The following SCN2A variants were observed in gnomAD, a reference collection of about 807,000 sequenced individuals.
SCN2A encodes the protein sodium voltage-gated channel alpha subunit 2.
In SCN2A, 20 loss-of-function variants were observed where a neutral mutation model predicts 188.7. That is an observed-to-expected ratio of 0.11 (90% CI 0.07 to 0.15). The LOEUF (loss-of-function observed/expected upper bound fraction) is 0.15, where lower values mean the gene tolerates loss of function less well. Ranked by LOEUF, SCN2A falls within the 10% of genes least tolerant of loss-of-function variation. The pLI is 1.00. For synonymous variants in SCN2A, 804 were observed against 833.1 expected (o/e 0.97, Z 0.60); for missense variants, 1,278 against 2,445.0 (o/e 0.52, Z 10.07).
chr2:165,301,730 A>G (rs1206535409), intron 3 of SCN2A, among the ~76,000 whole-genome samples: 1 of 152,194 alleles, frequency 6.6e-6, no homozygotes, highest in African/African-American at 2.4e-5. Context: ...AAACTCTCAT[A>G]TTCCTTAAGG....
chr2:165,294,824 G>A (rs1696418082), intron 1 of SCN2A, among the ~76,000 whole-genome samples: 1 of 152,076 alleles, frequency 6.6e-6, no homozygotes, highest in Non-Finnish European at 1.5e-5. Flanking sequence ...AATCTATTTA[G>A]GTTATTGCAA....
At chr2:165,260,615 A>G (rs1694546053) in intron 1 of SCN2A, among the ~76,000 whole-genome samples, 1 of 152,120 alleles carries the variant, frequency 6.6e-6, no homozygotes, top group Non-Finnish European at 1.5e-5. Context: ...CTCAGTATGC[A>G]TGGAGGATTC....
chr2:165,295,694 A>G, intron 1 of SCN2A, 79 bp from the exon 2 acceptor site: 1 of 1,315,744 alleles, frequency 7.6e-7, no homozygotes, highest in Non-Finnish European at 1.1e-6. Context: ...GCTGTATCTC[A>G]GTGCTCAGTG....
intron 14 of SCN2A, among the ~76,000 whole-genome samples, chr2:165,332,452 A>T (rs916615873): frequency 6.6e-6 from 1 of 151,984 alleles, no homozygotes; most frequent in African/African-American, 2.4e-5. Flanking sequence ...CTCTCTCTAG[A>T]TTCCCACAAA....
chr2:165,338,072 C>G (rs1310476507), intron 14 of SCN2A, among the ~76,000 whole-genome samples: 1 of 152,096 alleles, frequency 6.6e-6, no homozygotes, highest in Admixed American at 6.5e-5. Flanking sequence ...TCCTTCCACC[C>G]TCCACCCTCA....
chr2:165,344,267 G>A (rs1224308301), intron 15 of SCN2A, among the ~76,000 whole-genome samples: 1 of 151,854 alleles, frequency 6.6e-6, no homozygotes, highest in African/African-American at 2.4e-5. Flanking sequence ...ATGCTCTATG[G>A]TAGCAAGTCA....
intron 1 of SCN2A, among the ~76,000 whole-genome samples, chr2:165,291,575 T>TCCTTTCTCTCTCTC (rs1460696524): frequency 2.8e-5 from 2 of 70,552 alleles, no homozygotes; most frequent in African/African-American, 9.3e-5. Flanking sequence ...CTTCCTTCCT[T>TCCTTTCTCTCTCTC]TCTCTCTCTC....
chr2:165,320,420 C>G (rs1698011840), intron 11 of SCN2A: 1 of 152,260 alleles, frequency 6.6e-6, no homozygotes, highest in Admixed American at 6.5e-5. Context: ...AGGACAGTGG[C>G]TCTCTTCTCA....
chr2:165,375,753 G>A (rs10803797), intron 22 of SCN2A, among the ~76,000 whole-genome samples: 111,108 of 151,768 alleles, frequency 0.73, 40,965 homozygotes, highest in African/African-American at 0.79. Context: ...ATAAGCCCTC[G>A]TGATTGATGA....
At chr2:165,353,898 T>G (rs969694183) in intron 16 of SCN2A, among the ~76,000 whole-genome samples, 1 of 151,340 alleles carries the variant, frequency 6.6e-6, no homozygotes, top group African/African-American at 2.4e-5. Flanking sequence ...GGGTTTTTTT[T>G]GTACAGTTGT....
chr2:165,351,720 G>A (rs1228147356), intron 16 of SCN2A, among the ~76,000 whole-genome samples: 3 of 152,098 alleles, frequency 2.0e-5, no homozygotes, highest in African/African-American at 7.2e-5. Context: ...AAAATGCTTT[G>A]CACAATAACT....
intron 13 of SCN2A, chr2:165,327,193 C>T: frequency 1.8e-6 from 1 of 545,090 alleles, no homozygotes; most frequent in Non-Finnish European, 3.2e-6. Context: ...AAAGCTGCTG[C>T]AAATGTAAGG....
chr2:165,380,821 A>T, intron 24 of SCN2A, 92 bp downstream of exon 24: 1 of 1,032,928 alleles, frequency 9.7e-7, no homozygotes, highest in Admixed American at 2.5e-5. Context: ...TCACCAAAAA[A>T]AGAATATAAA....
intron 25 of SCN2A, among the ~76,000 whole-genome samples, chr2:165,381,550 T>C (rs531468816): frequency 6.6e-6 from 1 of 151,924 alleles, no homozygotes; most frequent in East Asian, 1.9e-4. Context: ...GTTCTCAGAG[T>C]ACAGAGGAGA....
Position 165,313,656 on chromosome 2 carries a change from T to C in SCN2A, c.1071T>C (p.Gly357=). ...CPEGYICVKA[G]RNPNYGYTSF... ...AAGGATACATCTGTGTGAAGGCTGG[T>C]AGAAACCCCAACTATGGCTACACGA... Residue 357 remains glycine (G), a synonymous_variant, in exon 9 of 27, where the codon GGT becomes GGC. Transcript: ENST00000375437. 1 of 1,613,542 alleles carries C rather than the reference T, an allele frequency of 6.2e-7. No homozygotes were observed. Among genetic ancestry groups the C allele is most frequent in the East Asian group, 2.2e-5 (1 of 44,868 alleles).
chr2:165,328,590 A>G, intron 13 of SCN2A: 1 of 796,444 alleles, frequency 1.3e-6, no homozygotes, highest in Non-Finnish European at 1.5e-6. Context: ...ATTAAGTTTG[A>G]GCTAAATAAG....
intron 13 of SCN2A, 140 bp downstream of exon 13, chr2:165,327,124 C>A: frequency 3.7e-6 from 4 of 1,075,102 alleles, no homozygotes; most frequent in South Asian, 1.4e-5. Context: ...AAAATCCGTG[C>A]ATAACTCATG....
intron 24 of SCN2A, 170 bp downstream of exon 24, chr2:165,380,899 T>A (rs1574731793): frequency 1.4e-6 from 1 of 703,942 alleles, no homozygotes; most frequent in Non-Finnish European, 2.4e-6. Flanking sequence ...TCAGATAGCA[T>A]GTTTTTGATA....
At chr2:165,344,272 A>C (rs1346340347) in intron 15 of SCN2A, among the ~76,000 whole-genome samples, 1 of 152,132 alleles carries the variant, frequency 6.6e-6, no homozygotes, top group Non-Finnish European at 1.5e-5. Flanking sequence ...CTATGGTAGC[A>C]AGTCACTGCT....
Sources: gnomAD v4.1 joint callset for allele counts (sites outside exome capture counted in the v4.1 genomes callset) on GRCh38, gnomAD v4.1.1 for gene constraint, MANE v1.5 for transcripts, NCBI Gene and HGNC (gene_info 2026-07-23, HGNC 2026-07-21) for gene names.